The following CNIH4 variants were observed in gnomAD, a reference collection of about 807,000 sequenced individuals.
CNIH4 encodes the protein cornichon family member 4.
CNIH4 carries 9 observed loss-of-function variants against 21.5 expected under a neutral mutation model. That is an observed-to-expected ratio of 0.42 (90% CI 0.25 to 0.73). CNIH4 has a LOEUF of 0.73. Among genes scored for constraint, CNIH4 ranks in the 30% least tolerant of loss-of-function variants. The probability of loss-of-function intolerance (pLI) is 0.27; values close to 1 mark genes in which losing one functional copy is unlikely to be tolerated. For missense variants in CNIH4, 159 were observed against 170.0 expected, an observed-to-expected ratio of 0.94 and a Z score of 0.36; for synonymous variants, 67 against 59.1, an observed-to-expected ratio of 1.13 and a Z score of -0.61.
In CNIH4 at chr1:224,378,902, C is replaced by T. The variant is rs983043166; in HGVS notation, c.*3080C>T. ...TTCAGGGTGTTGTAACTGGGAACAT[C>T]TGAATGCTGAGGCTTAGTCCAGTGT... is the stretch of plus-strand genomic sequence containing the variant. On this transcript the variant is annotated 3_prime_UTR_variant, in exon 5 of 5. Coordinates refer to ENST00000465271, the MANE Select transcript of CNIH4 (RefSeq NM_014184.4). 1.6e-6 allele frequency: 1 copy of T among 632,436 alleles called. No individual in the cohort carries two copies. Among genetic ancestry groups the T allele is most frequent in the Non-Finnish European group, 2.9e-6 (1 of 346,438 alleles). 39.2% of individuals were successfully genotyped at this position (632,436 alleles called of 1,614,324 possible).
At chr1:224,368,556 C>T (rs533772895) in intron 3 of CNIH4, among the ~76,000 whole-genome samples, 2 of 152,188 alleles carry the variant, frequency 1.3e-5, no homozygotes, top group East Asian at 1.9e-4. Flanking sequence ...CAGTAGTCCA[C>T]AGGACAAAGA....
chr1:224,366,015 G>C, intron 3 of CNIH4, 24 bp downstream of exon 3: 1 of 1,416,594 alleles, frequency 7.1e-7, no homozygotes, highest in Non-Finnish European at 1.0e-6. Flanking sequence ...GTTTACTTTG[G>C]TGTCAAGGTA....
At position 224,378,907 on chromosome 1, in the gene CNIH4, T is replaced by C. The variant is rs1199844135; in HGVS notation, c.*3085T>C. On this transcript the variant is annotated 3_prime_UTR_variant, in exon 5 of 5. Transcript: ENST00000465271. ...GGTGTTGTAACTGGGAACATCTGAA[T>C]GCTGAGGCTTAGTCCAGTGTTCTCT... The C allele has an allele frequency of 1.5e-6, 1 of 650,780 alleles. No homozygotes were observed. The highest frequency in any genetic ancestry group is 2.8e-6 in the Non-Finnish European group (1 of 359,002). 40.3% of individuals were successfully genotyped at this position (650,780 alleles called of 1,614,324 possible). A position where few individuals can be genotyped will look rare whatever the true frequency, so the allele number is the denominator to read the frequency against.
At chr1:224,371,449 C>T in intron 4 of CNIH4, 26 bp downstream of exon 4, 1 of 1,600,380 alleles carries the variant, frequency 6.2e-7, no homozygotes, top group Non-Finnish European at 8.5e-7. Context: ...TGGTATTTTC[C>T]TAGATGCCAT....
At position 224,365,967 on chromosome 1, in the gene CNIH4, C is replaced by A. The variant is rs1368410302; in HGVS notation, c.227C>A (p.Pro76His). 6.2e-7 allele frequency: 1 copy of A among 1,602,204 alleles called. No homozygotes were observed. Among genetic ancestry groups the A allele is most frequent in the Non-Finnish European group, 8.6e-7 (1 of 1,169,260 alleles). Residue 76 changes from proline to histidine, a missense_variant, in exon 3 of 5, where the codon CCT becomes CAT. Coordinates refer to ENST00000465271, the MANE Select transcript of CNIH4 (RefSeq NM_014184.4). The part of the protein sequence containing the change: ...LHWFIFLLNL[P>H]VATWNIYRYI... Reference sequence around the variant, plus strand: ...TGGTTCATCTTCCTTCTCAACTTACCTGTTGCCACTTGGAATATATATCGG... The same window carrying A: ...TGGTTCATCTTCCTTCTCAACTTACATGTTGCCACTTGGAATATATATCGG...
chr1:224,367,035 T>A (rs923346932), intron 3 of CNIH4, among the ~76,000 whole-genome samples: 2 of 152,126 alleles, frequency 1.3e-5, no homozygotes, highest in African/African-American at 4.8e-5. Context: ...AGGAAGTTTG[T>A]TCAAAATGAG....
rs1181926021 is a variant in CNIH4 at position 224,356,923 on chromosome 1, G to A, written c.-2G>A. 8.1e-6 allele frequency: 13 copies of A among 1,607,770 alleles called. No homozygotes were observed. The Admixed American group carries it at 2.0e-4, about 25-fold the overall frequency. ...AAGGAGCGGCGGCGACGGAGGAGGA[G>A]GATGGAGGCGGTGGTGTTCGTCTTC... On this transcript the variant is annotated 5_prime_UTR_variant, in exon 1 of 5. Transcript: ENST00000465271.
chr1:224,371,181 T>G (rs1672614123), intron 3 of CNIH4, 102 bp from the exon 4 acceptor site: 2 of 1,250,968 alleles, frequency 1.6e-6, no homozygotes, highest in Admixed American at 2.1e-5. Context: ...TGGGCCTGAT[T>G]GGTTCACTTT....
chr1:224,363,245 C>T (rs923125257), intron 2 of CNIH4, among the ~76,000 whole-genome samples: 4 of 151,846 alleles, frequency 2.6e-5, no homozygotes, highest in East Asian at 1.9e-4. Context: ...AGTCTCGCCA[C>T]GTTGGCCAGG....
At chr1:224,364,455 G>GGT (rs1672391649) in intron 2 of CNIH4, 1 of 856,598 alleles carries the variant, frequency 1.2e-6, no homozygotes, top group Non-Finnish European at 1.4e-6. Flanking sequence ...AACTTCGTGA[G>GGT]GTAGGTATTA....
intron 4 of CNIH4, among the ~76,000 whole-genome samples, chr1:224,372,268 T>C (rs1199840610): frequency 6.6e-6 from 1 of 152,246 alleles, no homozygotes; most frequent in African/African-American, 2.4e-5. Flanking sequence ...TTTTAAATTA[T>C]TCCTGTGTGT....
In CNIH4 at chr1:224,377,056, C is replaced by A; in HGVS notation, c.*1234C>A. ...TTAAATGTTACATGTCCTTTTAGTC[C>A]TTGACCAGGTCTAGCCTTGGCAGAA... On this transcript the variant is annotated 3_prime_UTR_variant, in exon 5 of 5. Transcript: ENST00000465271. 2.8e-6 allele frequency: 1 copy of A among 357,936 alleles called. No individual in the cohort carries two copies. Among genetic ancestry groups the A allele is most frequent in the Non-Finnish European group, 3.9e-6 (1 of 256,292 alleles). 22.2% of individuals were successfully genotyped at this position (357,936 alleles called of 1,614,324 possible).
rs569053580 is a variant in CNIH4 at position 224,372,861 on chromosome 1, T to G, written c.392+1438T>G. The stretch of plus-strand genomic sequence containing the variant: ...TCCCAAAGTGCTGGGATTACAGGCA[T>G]GAGCCACCGTGCCTGGCCAAGATAG... On this transcript the variant is annotated intron_variant, in intron 4 of 4. Coordinates refer to ENST00000465271, the MANE Select transcript of CNIH4 (RefSeq NM_014184.4). Among the ~76,000 whole-genome samples, 22 of 152,098 alleles carry G rather than the reference T, an allele frequency of 1.4e-4. No homozygotes were observed. The East Asian group carries it at 3.9e-3, about 27-fold the overall frequency.
In CNIH4 at chr1:224,378,542, G is replaced by A. The variant is rs1672841567; in HGVS notation, c.*2720G>A. 1 of 152,714 alleles carries A rather than the reference G, an allele frequency of 6.5e-6. No homozygotes were observed. Among genetic ancestry groups the A allele is most frequent in the African/African-American group, 2.4e-5 (1 of 41,298 alleles). 9.5% of individuals were successfully genotyped at this position (152,714 alleles called of 1,614,324 possible). ...CTGAGGCCTAGAGATCGTTCAGGGTGTTGTAACTGGGAACATCTGAATGCT... is the reference window on the plus strand; with the variant it reads ...CTGAGGCCTAGAGATCGTTCAGGGTATTGTAACTGGGAACATCTGAATGCT... On this transcript the variant is annotated 3_prime_UTR_variant, in exon 5 of 5. Transcript: ENST00000465271.
Position 224,371,312 on chromosome 1 carries a change from G to A in CNIH4, c.281G>A (p.Gly94Glu). The part of the protein sequence containing the change: ...RYIMVPSGNM[G>E]VFDPTEIHNR... The stretch of plus-strand genomic sequence containing the variant: ...ATTATGGTGCCGAGTGGTAACATGG[G>A]AGTGTTTGATCCAACAGAAATACAC... Residue 94 changes from glycine to glutamate, a missense_variant, in exon 4 of 5, where the codon GGA (glycine) becomes GAA (glutamate). Transcript: ENST00000465271. 2 of 1,614,034 alleles carry A rather than the reference G, an allele frequency of 1.2e-6. No individual in the cohort carries two copies. Among genetic ancestry groups the A allele is most frequent in the African/African-American group, 1.3e-5 (1 of 75,032 alleles).
At position 224,377,838 on chromosome 1, in the gene CNIH4, A is replaced by T. The variant is rs2102874054; in HGVS notation, c.*2016A>T. ...TCTCATTCAGATATTCTTAGTAACC[A>T]AAACAGTGACTCATGCAGTTGAGAG... On this transcript the variant is annotated 3_prime_UTR_variant, in exon 5 of 5. Transcript: ENST00000465271. 6.6e-6 allele frequency: 1 copy of T among 152,264 alleles called. No homozygotes were observed. Among genetic ancestry groups the T allele is most frequent in the East Asian group, 1.9e-4 (1 of 5,172 alleles). The allele number at this position is 152,264 out of a possible 1,614,324, so 9.4% of individuals were successfully genotyped here. A position where few individuals can be genotyped will look rare whatever the true frequency, so the allele number is the denominator to read the frequency against.
intron 4 of CNIH4, among the ~76,000 whole-genome samples, chr1:224,373,827 C>CA (rs760419239): frequency 1.7e-4 from 25 of 148,330 alleles, no homozygotes; most frequent in Middle Eastern, 6.9e-3. Flanking sequence ...GGCTCCGTCT[C>CA]AAAAAAAAAG....
intron 2 of CNIH4, among the ~76,000 whole-genome samples, chr1:224,364,921 A>G (rs1203583921): frequency 6.8e-6 from 1 of 147,834 alleles, no homozygotes; most frequent in Non-Finnish European, 1.5e-5. Flanking sequence ...GACAGAGCGA[A>G]AAAAAAAAAA....
intron 1 of CNIH4, chr1:224,357,674 C>T (rs1672157354): frequency 6.6e-6 from 1 of 152,176 alleles, no homozygotes; most frequent in South Asian, 2.1e-4. Flanking sequence ...TGGTTGTCCC[C>T]GGTGGTTGCA....
Sources: allele counts gnomAD v4.1 joint callset (sites outside exome capture counted in the v4.1 genomes callset), GRCh38; gene constraint gnomAD v4.1.1; transcripts MANE v1.5; gene names NCBI Gene and HGNC (gene_info 2026-07-23, HGNC 2026-07-21).